Variants in BEND4 observed in about 807,000 individuals in gnomAD.
BEND4 encodes BEN domain-containing protein 4.
Under a neutral mutation model 54.7 loss-of-function variants are expected in BEND4, and 27 were observed. That is an observed-to-expected ratio of 0.49 (90% CI 0.36 to 0.68). BEND4 has a LOEUF of 0.68. BEND4 is among the 30% of genes least tolerant of loss of function. The probability of loss-of-function intolerance (pLI) is 0.00; values close to 1 mark genes in which losing one functional copy is unlikely to be tolerated. For missense variants in BEND4, 702 were observed against 697.2 expected, an observed-to-expected ratio of 1.01 and a Z score of -0.08; for synonymous variants, 327 against 299.5, an observed-to-expected ratio of 1.09 and a Z score of -0.95.
At chr4:42,141,968 A>G (rs984814939) in intron 3 of BEND4, among the ~76,000 whole-genome samples, 3 of 151,862 alleles carry the variant, frequency 2.0e-5, no homozygotes, top group East Asian at 3.9e-4. Context: ...GCAGAGGCAT[A>G]ATCTCAGCTC....
At position 42,120,126 on chromosome 4, in the gene BEND4, T is replaced by A; in HGVS notation, c.1315A>T (p.Arg439Trp). 1 of 1,613,902 alleles carries A rather than the reference T, an allele frequency of 6.2e-7. No homozygotes were observed. The highest frequency in any genetic ancestry group is 8.5e-7 in the Non-Finnish European group (1 of 1,179,796). ...CCTGTCTCTCCTGACTGCACTGACCTTTTCCTTTTCCCAAGGCCGCATGAG... is the reference window on the plus strand; with the variant it reads ...CCTGTCTCTCCTGACTGCACTGACCATTTCCTTTTCCCAAGGCCGCATGAG... ...KYSCGLGKRK[R>W]SVQSGETGPE... Residue 439 changes from arginine to tryptophan, a missense_variant, in exon 5 of 6, where the codon AGG becomes TGG. Transcript: ENST00000502486.
intron 2 of BEND4, among the ~76,000 whole-genome samples, chr4:42,149,228 G>A (rs913483144): frequency 1.3e-4 from 15 of 111,972 alleles, no homozygotes; most frequent in Non-Finnish European, 2.1e-4. Flanking sequence ...AAATGGCCAC[G>A]GGTCTGTGCA....
chr4:42,152,211 C>T lies in BEND4; in HGVS notation c.-68G>A. ...GCCGGGCGCCGGGCTCCGAGGGTGC[C>T]TCCGCCGCCTGCCCGCCGGGTCTGC... is the stretch of plus-strand genomic sequence containing the variant. On this transcript the variant is annotated 5_prime_UTR_variant, in exon 2 of 6. Coordinates refer to ENST00000502486, the MANE Select transcript of BEND4 (RefSeq NM_207406.4). The T allele has an allele frequency of 8.2e-7, 1 of 1,225,406 alleles. No individual in the cohort carries two copies. The highest frequency in any genetic ancestry group is 1.0e-6 in the Non-Finnish European group (1 of 977,118). 75.9% of individuals were successfully genotyped at this position (1,225,406 alleles called of 1,614,324 possible).
Position 42,134,073 on chromosome 4 carries a change from A to G in BEND4, c.1055-8399T>C, listed in dbSNP as rs1166225493. ...CTTGTATGAGCAGCTGGTAAATAAG[A>G]CTACTGAAATGGTCTTCGTAAATAG... is the stretch of plus-strand genomic sequence containing the variant. On this transcript the variant is annotated intron_variant, in intron 3 of 5. Coordinates refer to ENST00000502486, the MANE Select transcript of BEND4 (RefSeq NM_207406.4). Among the ~76,000 whole-genome samples, 7 of 152,180 alleles carry G rather than the reference A, an allele frequency of 4.6e-5. No individual in the cohort carries two copies. The East Asian group carries it at 1.3e-3, about 29-fold the overall frequency.
intron 3 of BEND4, among the ~76,000 whole-genome samples, chr4:42,142,528 G>T (rs1023101763): frequency 2.0e-5 from 3 of 150,988 alleles, no homozygotes; most frequent in Non-Finnish European, 4.4e-5. Context: ...AGCTACTCGG[G>T]AGGCTGAGGC....
Position 42,117,554 on chromosome 4 carries a change from G to C in BEND4, c.1569C>G (p.Val523=). The change falls in exon 6 of 6, where the codon GTC becomes GTG. Residue 523 remains valine, a synonymous_variant. Transcript: ENST00000502486. Reference sequence around the variant, plus strand: ...ATCCATCCTGGGAACTTTTATTGAAGACTTCATCCTGAGAAGCCTGGTGAT... The same window carrying C: ...ATCCATCCTGGGAACTTTTATTGAACACTTCATCCTGAGAAGCCTGGTGAT... The part of the protein sequence containing the change: ...GIDHQASQDE[V]FNKSSQDGSG... 1 of 1,612,884 alleles carries C rather than the reference G, an allele frequency of 6.2e-7. No homozygotes were observed. The highest frequency in any genetic ancestry group is 8.5e-7 in the Non-Finnish European group (1 of 1,179,490).
intron 3 of BEND4, 94 bp downstream of exon 3, chr4:42,143,334 C>T: frequency 4.4e-6 from 5 of 1,124,478 alleles, no homozygotes; most frequent in East Asian, 2.6e-5. Context: ...TACATATACA[C>T]ATACACATAC....
At position 42,151,918 on chromosome 4, in the gene BEND4, G is replaced by A; in HGVS notation, c.226C>T (p.Pro76Ser). Residue 76 changes from proline to serine, a missense_variant, in exon 2 of 6, where the codon CCG becomes TCG. Coordinates refer to ENST00000502486, the MANE Select transcript of BEND4 (RefSeq NM_207406.4). Reference protein sequence around the residue: ...AAVSISSSEPPPQQFQAQSSY... With the variant: ...AAVSISSSEPSPQQFQAQSSY... ...CTCTGCGCCTGGAACTGCTGCGGCG[G>A]CGGCTCGCTGCTGCTGATGGAGACG... is the stretch of plus-strand genomic sequence containing the variant. 1 of 1,255,458 alleles carries A rather than the reference G, an allele frequency of 8.0e-7. No homozygotes were observed. The highest frequency in any genetic ancestry group is 1.0e-6 in the Non-Finnish European group (1 of 1,001,760). 77.8% of individuals were successfully genotyped at this position (1,255,458 alleles called of 1,614,324 possible). A position where few individuals can be genotyped will look rare whatever the true frequency, so the allele number is the denominator to read the frequency against.
chr4:42,117,656 G>T lies in BEND4; in HGVS notation c.1467C>A (p.Asp489Glu). ...SEEQINKVFSDAVGHARQGRA... is the reference protein window; with the variant it reads ...SEEQINKVFSEAVGHARQGRA... ...GCCCCTGTCGGGCGTGACCGACAGCGTCGCTGAACACTTTGTTTATCTGCT... is the reference window on the plus strand; with the variant it reads ...GCCCCTGTCGGGCGTGACCGACAGCTTCGCTGAACACTTTGTTTATCTGCT... The change falls in exon 6 of 6, where the codon GAC (aspartate) becomes GAA (glutamate). Residue 489 changes from aspartate (D) to glutamate (E), a missense_variant. Coordinates refer to ENST00000502486, the MANE Select transcript of BEND4 (RefSeq NM_207406.4). 1 of 1,611,440 alleles carries T rather than the reference G, an allele frequency of 6.2e-7. No individual in the cohort carries two copies. Among genetic ancestry groups the T allele is most frequent in the Non-Finnish European group, 8.5e-7 (1 of 1,178,818 alleles).
intron 4 of BEND4, 53 bp from the exon 5 acceptor site, chr4:42,120,347 A>G: frequency 6.4e-7 from 1 of 1,566,980 alleles, no homozygotes; most frequent in South Asian, 1.2e-5. Flanking sequence ...AGCCAGAAGC[A>G]GAAGTGATCT....
intron 2 of BEND4, among the ~76,000 whole-genome samples, chr4:42,148,866 CA>C (rs1721163050): frequency 6.6e-6 from 1 of 152,184 alleles, no homozygotes; most frequent in African/African-American, 2.4e-5. Context: ...AAGCCTCCCA[CA>C]GAGGAAAAAT....
intron 3 of BEND4, among the ~76,000 whole-genome samples, chr4:42,130,201 C>T (rs1720454105): frequency 6.6e-6 from 1 of 152,124 alleles, no homozygotes; most frequent in Non-Finnish European, 1.5e-5. Flanking sequence ...CACAATGAGG[C>T]TGGGCGCAGT....
intron 3 of BEND4, among the ~76,000 whole-genome samples, chr4:42,137,785 T>C (rs1335654062): frequency 6.6e-6 from 1 of 152,116 alleles, no homozygotes; most frequent in African/African-American, 2.4e-5. Flanking sequence ...AATTACAAAA[T>C]GCACAAAAGA....
At chr4:42,132,811 T>C (rs1431426620) in intron 3 of BEND4, among the ~76,000 whole-genome samples, 3 of 152,070 alleles carry the variant, frequency 2.0e-5, no homozygotes, top group African/African-American at 7.2e-5. Context: ...TTGGGCATGT[T>C]TTACTCATTC....
intron 3 of BEND4, among the ~76,000 whole-genome samples, chr4:42,131,756 T>C (rs986036436): frequency 6.6e-6 from 1 of 151,724 alleles, no homozygotes; most frequent in African/African-American, 2.4e-5. Flanking sequence ...TAAGGACCAG[T>C]AAGACTGAAG....
Position 42,113,011 on chromosome 4 carries a change from C to CA in BEND4, c.*4506dup, listed in dbSNP as rs1719636889. On this transcript the variant is annotated 3_prime_UTR_variant, in exon 6 of 6. Coordinates refer to ENST00000502486, the MANE Select transcript of BEND4 (RefSeq NM_207406.4). ...CTGAAAGCAGCCATCACTATGTTTA[C>CA]AAAAATACATCATAATGATACATAC... The CA allele has an allele frequency of 6.6e-6, 1 of 152,158 alleles. No individual in the cohort carries two copies. The highest frequency in any genetic ancestry group is 1.5e-5 in the Non-Finnish European group (1 of 68,010). The allele number at this position is 152,158 out of a possible 1,614,324, so 9.4% of individuals were successfully genotyped here. A position where few individuals can be genotyped will look rare whatever the true frequency, so the allele number is the denominator to read the frequency against.
chr4:42,148,757 A>G (rs4861023), intron 2 of BEND4, among the ~76,000 whole-genome samples: 52,473 of 152,094 alleles, frequency 0.35, 12,397 homozygotes, highest in African/African-American at 0.68. Flanking sequence ...AGGATTTATT[A>G]TAATTCATTT....
intron 2 of BEND4, among the ~76,000 whole-genome samples, chr4:42,148,979 C>A (rs969981159): frequency 1.3e-5 from 2 of 152,180 alleles, no homozygotes; most frequent in African/African-American, 2.4e-5. Context: ...TCACATATTT[C>A]TCTTCTTAGT....
In BEND4 at chr4:42,111,067, G is replaced by A. The variant is rs760303921; in HGVS notation, c.*6451C>T. On this transcript the variant is annotated 3_prime_UTR_variant, in exon 6 of 6. Transcript: ENST00000502486. Reference sequence around the variant, plus strand: ...GAAATAATTGGCTCTAGTAACAAATGTCTCTTATAATTAAAAATATTGAAT... The same window carrying A: ...GAAATAATTGGCTCTAGTAACAAATATCTCTTATAATTAAAAATATTGAAT... 2.6e-5 allele frequency: 4 copies of A among 152,044 alleles called. No homozygotes were observed. The highest frequency in any genetic ancestry group is 5.9e-5 in the Non-Finnish European group (4 of 68,000). 9.4% of individuals were successfully genotyped at this position (152,044 alleles called of 1,614,324 possible). A position where few individuals can be genotyped will look rare whatever the true frequency, so the allele number is the denominator to read the frequency against.
Sources: gnomAD v4.1 joint callset for allele counts (sites outside exome capture counted in the v4.1 genomes callset) on GRCh38, gnomAD v4.1.1 for gene constraint, MANE v1.5 for transcripts, NCBI Gene and HGNC (gene_info 2026-07-23, HGNC 2026-07-21) for gene names.